The following ENOX2 variants were observed in gnomAD, a reference collection of about 807,000 sequenced individuals.
ENOX2 encodes the protein ecto-NOX disulfide-thiol exchanger 2, also known as APK1 antigen.
ENOX2 carries 36 observed loss-of-function variants against 45.0 expected under a neutral mutation model. That is an observed-to-expected ratio of 0.80 (90% CI 0.61 to 1.06). The LOEUF is 1.06. Among genes scored for constraint, ENOX2 ranks in the 50% least tolerant of loss-of-function variants. ENOX2 has a pLI of 0.00. For missense variants in ENOX2, 423 were observed against 462.5 expected (o/e 0.91, Z 0.78); for synonymous variants, 174 against 152.3 (o/e 1.14, Z -1.05).
At chrX:130,731,337 T>C (rs1469298180) in intron 3 of ENOX2, among the ~76,000 whole-genome samples, 2 of 112,443 alleles carry the variant, frequency 1.8e-5, no homozygotes, top group Non-Finnish European at 3.8e-5. Flanking sequence ...AGCCATAACA[T>C]CTTCTGTTGC....
At chrX:130,713,695 C>A (rs928515028) in intron 3 of ENOX2, among the ~76,000 whole-genome samples, 5 of 110,409 alleles carry the variant, frequency 4.5e-5, no homozygotes, top group Non-Finnish European at 9.5e-5. Context: ...ATTTTCTTAC[C>A]TAATATTTAG....
At chrX:130,805,935 T>G (rs2077292001) in intron 2 of ENOX2, among the ~76,000 whole-genome samples, 2 of 112,048 alleles carry the variant, frequency 1.8e-5, no homozygotes, top group Admixed American at 9.5e-5. Flanking sequence ...ACAAGTAATT[T>G]TATCAGAAAC....
intron 4 of ENOX2, among the ~76,000 whole-genome samples, chrX:130,702,530 C>G (rs1404445901): frequency 4.5e-5 from 5 of 111,988 alleles, no homozygotes; most frequent in East Asian, 5.6e-4. Context: ...GTCCAGGAAG[C>G]TTTTTTGTGT....
chrX:130,709,772 T>TG lies in ENOX2; in HGVS notation c.-38-6519_-38-6518insC, dbSNP rs779719531. Among the ~76,000 whole-genome samples the TG allele has an allele frequency of 3.8e-5, 4 of 105,035 alleles. No homozygotes were observed. In the South Asian group the frequency reaches 1.7e-3, roughly 44 times the overall value. 91.2% of individuals were successfully genotyped at this position (105,035 alleles called of 115,157 possible). On this transcript the variant is annotated intron_variant, in intron 3 of 14. Coordinates refer to ENST00000394363, the MANE Select transcript of ENOX2 (RefSeq NM_006375.4). ...GACTCAGAAAAATGATGAATAATAG[T>TG]TTTTTTTTTAATACTTTAAGTTCTG... is the stretch of plus-strand genomic sequence containing the variant.
At chrX:130,705,428 A>G (rs765968719) in intron 3 of ENOX2, among the ~76,000 whole-genome samples, 21 of 112,199 alleles carry the variant, frequency 1.9e-4, no homozygotes, top group African/African-American at 6.8e-4. Flanking sequence ...AGGAAAACAC[A>G]GTATTGTTAT....
At chrX:130,683,766 A>G (rs1354043576) in intron 5 of ENOX2, among the ~76,000 whole-genome samples, 1 of 111,026 alleles carries the variant, frequency 9.0e-6, no homozygotes, top group Non-Finnish European at 1.9e-5. Context: ...GTGAAAAAAA[A>G]AAAAAAGTGT....
intron 2 of ENOX2, among the ~76,000 whole-genome samples, chrX:130,860,101 G>C (rs948370927): frequency 1.8e-5 from 2 of 110,862 alleles, no homozygotes; most frequent in East Asian, 5.7e-4. Context: ...GATTACAGGG[G>C]CAAGCCACCA....
At chrX:130,754,310 G>A in intron 3 of ENOX2, among the ~76,000 whole-genome samples, 2 of 112,226 alleles carry the variant, frequency 1.8e-5, no homozygotes, top group Middle Eastern at 4.6e-3. Context: ...TCTTTGGCTT[G>A]CGAAAAATGC....
At chrX:130,845,622 C>T (rs1348131552) in intron 2 of ENOX2, among the ~76,000 whole-genome samples, 2 of 112,002 alleles carry the variant, frequency 1.8e-5, no homozygotes, top group Admixed American at 9.4e-5. Context: ...TGTGCCACCA[C>T]ACCCGGCTAA....
intron 7 of ENOX2, among the ~76,000 whole-genome samples, chrX:130,668,234 C>A (rs1050830548): frequency 9.0e-6 from 1 of 110,862 alleles, no homozygotes; most frequent in African/African-American, 3.3e-5. Flanking sequence ...TTGAATTTAA[C>A]AGTAACTTTA....
At chrX:130,753,432 A>G (rs1033768157) in intron 3 of ENOX2, among the ~76,000 whole-genome samples, 2 of 110,099 alleles carry the variant, frequency 1.8e-5, no homozygotes, top group African/African-American at 3.3e-5. Context: ...CTATACCTTT[A>G]TCTATCCATG....
At chrX:130,757,526 T>G (rs926036330) in intron 3 of ENOX2, among the ~76,000 whole-genome samples, 4 of 111,456 alleles carry the variant, frequency 3.6e-5, no homozygotes, top group African/African-American at 1.3e-4. Context: ...GGGGAAGAGG[T>G]CATCAATTCA....
At chrX:130,828,289 G>T (rs1228731050) in intron 2 of ENOX2, among the ~76,000 whole-genome samples, 1 of 111,503 alleles carries the variant, frequency 9.0e-6, no homozygotes, top group Non-Finnish European at 1.9e-5. Flanking sequence ...GGAAATTAGG[G>T]GTACAATACA....
At position 130,650,916 on chromosome X, in the gene ENOX2, G is replaced by GA. The variant is rs200063317; in HGVS notation, c.1129+5664dup. On this transcript the variant is annotated intron_variant, in intron 10 of 14. Transcript: ENST00000394363. ...CTCTTCAATGGTACAAAGAAAACAA[G>GA]AAAAAAAAATTAGTAGAAGTAAATT... 2.5e-3 allele frequency among the ~76,000 whole-genome samples: 279 copies of GA among 110,155 alleles called. 1 individual carries two copies. Among genetic ancestry groups the GA allele is most frequent in the African/African-American group, 8.3e-3 (252 of 30,358 alleles).
chrX:130,674,815 G>A (rs1394195353), intron 6 of ENOX2, among the ~76,000 whole-genome samples: 5 of 85,652 alleles, frequency 5.8e-5, no homozygotes, highest in African/African-American at 9.0e-5. Context: ...TCCCCTTCCC[G>A]TGTCCATGTG....
chrX:130,835,848 A>G (rs2077920039), intron 2 of ENOX2, among the ~76,000 whole-genome samples: 1 of 112,714 alleles, frequency 8.9e-6, no homozygotes, highest in East Asian at 2.8e-4. Flanking sequence ...TTGCCTTTGC[A>G]GATAACTTAC....
intron 3 of ENOX2, among the ~76,000 whole-genome samples, chrX:130,711,965 T>C (rs988961258): frequency 9.0e-6 from 1 of 111,284 alleles, no homozygotes; most frequent in Non-Finnish European, 1.9e-5. Flanking sequence ...AAGGAAGTGA[T>C]AGCACATACC....
At position 130,798,822 on chromosome X, in the gene ENOX2, G is replaced by A. The variant is rs189719514; in HGVS notation, c.-182-15132C>T. Among the ~76,000 whole-genome samples, 488 of 111,907 alleles carry A rather than the reference G, an allele frequency of 4.4e-3. 1 individual carries two copies. Among genetic ancestry groups the A allele is most frequent in the Middle Eastern group, 9.2e-3 (2 of 218 alleles). ...AGTAATCATTCATTTATACCAATAT[G>A]TGTACAATGTCATGAAGAATACCGG... On this transcript the variant is annotated intron_variant, in intron 2 of 14. Coordinates refer to ENST00000394363, the MANE Select transcript of ENOX2 (RefSeq NM_006375.4).
At chrX:130,663,249 G>A (rs112180104) in intron 9 of ENOX2, among the ~76,000 whole-genome samples, 646 of 112,158 alleles carry the variant, frequency 5.8e-3, no homozygotes, top group South Asian at 0.013. Flanking sequence ...GTGTTGTGAC[G>A]GCCAGGCATG....
Sources: gnomAD v4.1 joint callset for allele counts (sites outside exome capture counted in the v4.1 genomes callset) on GRCh38, gnomAD v4.1.1 for gene constraint, MANE v1.5 for transcripts, NCBI Gene and HGNC (gene_info 2026-07-23, HGNC 2026-07-21) for gene names.